PCDH15: variants seen among roughly 807,000 people sequenced by gnomAD.
The protein encoded by PCDH15 is protocadherin-15.
In PCDH15, 129 loss-of-function variants were observed where a neutral mutation model predicts 178.5. The ratio of observed to expected loss-of-function variants is 0.72; its 90% CI spans 0.63 to 0.84. PCDH15 has a LOEUF of 0.84. PCDH15 is among the 40% of genes least tolerant of loss of function. The pLI is 0.00. For missense variants in PCDH15, 2,230 were observed against 2,099.9 expected, an observed-to-expected ratio of 1.06 and a Z score of -1.21; for synonymous variants, 800 against 732.0, an observed-to-expected ratio of 1.09 and a Z score of -1.50.
chr10:54,637,179 C>A (rs1414756189), intron 2 of PCDH15, among the ~76,000 whole-genome samples: 1 of 150,874 alleles, frequency 6.6e-6, no homozygotes, highest in African/African-American at 2.4e-5. Flanking sequence ...ATTTAGTTAC[C>A]TATTTTGAGC....
intron 2 of PCDH15, among the ~76,000 whole-genome samples, chr10:55,091,651 A>G (rs1472368397): frequency 6.6e-6 from 1 of 151,932 alleles, no homozygotes; most frequent in Non-Finnish European, 1.5e-5. Flanking sequence ...AAATATGAGG[A>G]ATAGTTATGC....
At chr10:53,821,595 GA>G in intron 32 of PCDH15, 1 of 1,185,434 alleles carries the variant, frequency 8.4e-7, no homozygotes, top group Non-Finnish European at 1.1e-6. Flanking sequence ...CACTAAAAAA[GA>G]GATTAAAATT....
At chr10:55,521,895 A>G (rs140326824) in intron 2 of PCDH15, among the ~76,000 whole-genome samples, 28 of 152,008 alleles carry the variant, frequency 1.8e-4, no homozygotes, top group Non-Finnish European at 3.2e-4. Context: ...GTTCATTGCT[A>G]CTACCCAGCA....
chr10:54,020,545 T>C (rs2092886936), intron 19 of PCDH15, 129 bp from the exon 20 acceptor site: 4 of 934,278 alleles, frequency 4.3e-6, no homozygotes, highest in Admixed American at 2.1e-5. Flanking sequence ...ACGTTTTTTG[T>C]TTTTGTTTTT....
intron 8 of PCDH15, among the ~76,000 whole-genome samples, chr10:54,307,173 G>A (rs1162508730): frequency 8.1e-6 from 1 of 123,178 alleles, no homozygotes; most frequent in African/African-American, 3.0e-5. Context: ...TCAGGCTCCA[G>A]GTACTTGGAA....
chr10:55,613,663 T>C (rs1226235219), intron 2 of PCDH15, among the ~76,000 whole-genome samples: 8 of 152,192 alleles, frequency 5.3e-5, no homozygotes, highest in Non-Finnish European at 8.8e-5. Flanking sequence ...ACTAAGTGTA[T>C]TAAATGAATC....
intron 2 of PCDH15, among the ~76,000 whole-genome samples, chr10:55,475,630 A>G (rs980562456): frequency 1.3e-5 from 2 of 152,134 alleles, no homozygotes; most frequent in African/African-American, 2.4e-5. Flanking sequence ...ATTGTACACA[A>G]TTACTTTCAG....
intron 3 of PCDH15, among the ~76,000 whole-genome samples, chr10:54,890,126 A>G (rs1016244630): frequency 9.9e-5 from 15 of 152,000 alleles, no homozygotes; most frequent in African/African-American, 3.6e-4. Context: ...AAGTGAGAAG[A>G]TCACTTTAAT....
At chr10:54,882,666 A>G (rs1469337300) in intron 3 of PCDH15, among the ~76,000 whole-genome samples, 1 of 152,066 alleles carries the variant, frequency 6.6e-6, no homozygotes, top group Non-Finnish European at 1.5e-5. Context: ...TGGATATAAA[A>G]TAGATTAAGA....
rs56986885 is a variant in PCDH15, at chr10:55,450,955, C to CTATATATATATATATATATATATA, written c.-156+176646_-156+176669dup. Among the ~76,000 whole-genome samples the CTATATATATATATATATATATATA allele has an allele frequency of 4.7e-4, 58 of 122,304 alleles. 2 individuals carry two copies. Among genetic ancestry groups the CTATATATATATATATATATATATA allele is most frequent in the African/African-American group, 1.7e-3 (49 of 29,550 alleles). The allele number at this position is 122,304 out of a possible 152,430, so 80.2% of individuals were successfully genotyped here. On this transcript the variant is annotated intron_variant, in intron 2 of 5. Transcript: ENST00000613346. The stretch of plus-strand genomic sequence containing the variant: ...AGATACATGGAAGAAGGGGTAAGAA[C>CTATATATATATATATATATATATA]TATATATATATATATATATATATAT...
At chr10:54,777,981 A>G (rs1393916266) in intron 1 of PCDH15, among the ~76,000 whole-genome samples, 1 of 152,226 alleles carries the variant, frequency 6.6e-6, no homozygotes. Flanking sequence ...AAGAATAAAA[A>G]TCCTGAAAGG....
intron 3 of PCDH15, among the ~76,000 whole-genome samples, chr10:54,896,101 G>T (rs905735813): frequency 2.0e-5 from 3 of 152,004 alleles, no homozygotes; most frequent in Non-Finnish European, 4.4e-5. Flanking sequence ...TGGCCAGGCT[G>T]GTCTCGAACT....
intron 3 of PCDH15, among the ~76,000 whole-genome samples, chr10:54,852,412 G>A (rs756539693): frequency 4.4e-4 from 67 of 152,036 alleles, no homozygotes; most frequent in African/African-American, 1.5e-3. Flanking sequence ...TCTTAAAGAG[G>A]ATATGAGATT....
At chr10:55,443,991 G>T (rs1018641860) in intron 2 of PCDH15, among the ~76,000 whole-genome samples, 2 of 152,118 alleles carry the variant, frequency 1.3e-5, no homozygotes, top group African/African-American at 2.4e-5. Flanking sequence ...GAAGGGAAAT[G>T]CATGAAGCTG....
At chr10:54,642,307 T>G (rs142885986) in intron 2 of PCDH15, among the ~76,000 whole-genome samples, 164 of 152,322 alleles carry the variant, frequency 1.1e-3, no homozygotes, top group African/African-American at 3.8e-3. Flanking sequence ...GAACAATAAT[T>G]TTTTGTTCCT....
intron 2 of PCDH15, among the ~76,000 whole-genome samples, chr10:54,998,535 C>A (rs1277254417): frequency 6.6e-6 from 1 of 151,918 alleles, no homozygotes; most frequent in Non-Finnish European, 1.5e-5. Flanking sequence ...ATAAAATATT[C>A]TTTGAAGCCC....
intron 3 of PCDH15, among the ~76,000 whole-genome samples, chr10:54,384,101 T>C (rs1949625892): frequency 6.6e-6 from 1 of 151,766 alleles, no homozygotes; most frequent in Admixed American, 6.6e-5. Context: ...CCCAACGTGC[T>C]GGGATTACAG....
At chr10:55,075,516 C>T (rs1160895029) in intron 2 of PCDH15, among the ~76,000 whole-genome samples, 2 of 151,888 alleles carry the variant, frequency 1.3e-5, no homozygotes, top group Admixed American at 6.6e-5. Flanking sequence ...CAGGCATGTG[C>T]CACCGTGTCC....
At chr10:54,670,698 T>C (rs540597950) in intron 1 of PCDH15, among the ~76,000 whole-genome samples, 195 of 152,234 alleles carry the variant, frequency 1.3e-3, no homozygotes, top group Middle Eastern at 6.9e-3. Context: ...GGAAATTTAA[T>C]CTCCATGTTT....
Sources: gnomAD v4.1 joint callset for allele counts (sites outside exome capture counted in the v4.1 genomes callset) on GRCh38, gnomAD v4.1.1 for gene constraint, MANE v1.5 for transcripts, NCBI Gene and HGNC (gene_info 2026-07-23, HGNC 2026-07-21) for gene names.